The following U2SURP variants were observed in gnomAD, a reference collection of about 807,000 sequenced individuals.
U2SURP encodes U2 snRNP associated SURP domain containing.
In U2SURP, 9 loss-of-function variants were observed where a neutral mutation model predicts 144.9. The observed-to-expected ratio is 0.06, with a 90% CI of 0.04 to 0.11. The LOEUF (loss-of-function observed/expected upper bound fraction) is 0.11. Among genes scored for constraint, U2SURP ranks in the 10% least tolerant of loss-of-function variants. U2SURP has a pLI of 1.00. For synonymous variants in U2SURP, 408 were observed against 396.8 expected (o/e 1.03, Z -0.33); for missense variants, 724 against 1,226.7 (o/e 0.59, Z 6.12).
Position 143,034,328 on chromosome 3 carries a change from C to T in U2SURP, c.1854-560C>T, listed in dbSNP as rs556828984. Among the ~76,000 whole-genome samples the T allele has an allele frequency of 7.2e-5, 11 of 152,014 alleles. No homozygotes were observed. The East Asian group carries it at 1.4e-3, about 19-fold the overall frequency. ...CTGAGGCAGGAGAATCGCTTGAACC[C>T]GGGAGGCGGAGGTTGCAGTGAGCCG... On this transcript the variant is annotated intron_variant, in intron 18 of 27. Transcript: ENST00000473835.
At chr3:143,041,949 A>G (rs572866636) in intron 23 of U2SURP, among the ~76,000 whole-genome samples, 5 of 151,234 alleles carry the variant, frequency 3.3e-5, no homozygotes, top group Admixed American at 6.6e-5. Context: ...TGTTTTGCCC[A>G]GATTTATTTG....
Position 143,043,029 on chromosome 3 carries a change from A to G in U2SURP, c.2385-88A>G, listed in dbSNP as rs938984630. 5.4e-6 allele frequency: 7 copies of G among 1,301,430 alleles called. No individual in the cohort carries two copies. The Admixed American group carries it at 1.1e-4, about 21-fold the overall frequency. The allele number at this position is 1,301,430 out of a possible 1,614,324, so 80.6% of individuals were successfully genotyped here. A position where few individuals can be genotyped will look rare whatever the true frequency, so the allele number is the denominator to read the frequency against. On this transcript the variant is annotated intron_variant, in intron 23 of 27. Coordinates refer to ENST00000473835, the MANE Select transcript of U2SURP (RefSeq NM_001080415.2). ...GTTTTGGCTATGTTATTTAAGCTCT[A>G]AGACAATGAAAAATAAAATAGGTAG...
At chr3:143,051,122 C>A in intron 25 of U2SURP, 73 bp downstream of exon 25, 3 of 843,448 alleles carry the variant, frequency 3.6e-6, no homozygotes, top group Non-Finnish European at 3.7e-6. Flanking sequence ...TACTGGTATA[C>A]CTAAAGATGA....
chr3:143,027,281 A>G, intron 14 of U2SURP, 28 bp downstream of exon 14: 10 of 1,550,542 alleles, frequency 6.4e-6, no homozygotes, highest in Non-Finnish European at 8.9e-6. Context: ...ATTGTGAAAT[A>G]TATGTAACAT....
intron 1 of U2SURP, among the ~76,000 whole-genome samples, chr3:143,007,288 CT>C (rs143610863): frequency 2.9e-4 from 43 of 148,544 alleles, no homozygotes; most frequent in African/African-American, 6.4e-4. Context: ...CTTTTCTTTT[CT>C]TTTTTTTTTT....
chr3:143,012,110 A>G (rs1038528862), intron 2 of U2SURP, 112 bp from the exon 3 acceptor site: 9 of 1,328,436 alleles, frequency 6.8e-6, no homozygotes, highest in South Asian at 1.3e-5. Context: ...TGATATTTTG[A>G]TAATCTACAA....
At chr3:143,023,649 A>G (rs1315300704) in intron 12 of U2SURP, among the ~76,000 whole-genome samples, 1 of 152,240 alleles carries the variant, frequency 6.6e-6, no homozygotes, top group African/African-American at 2.4e-5. Flanking sequence ...AGCGAACTGT[A>G]TGGTCAGAGG....
chr3:143,006,614 G>C (rs1271576955), intron 1 of U2SURP, among the ~76,000 whole-genome samples: 1 of 152,042 alleles, frequency 6.6e-6, no homozygotes, highest in Admixed American at 6.5e-5. Flanking sequence ...AATTAGCTGG[G>C]CATGGTGGCA....
chr3:143,043,120 A>T lies in U2SURP; in HGVS notation c.2388A>T (p.Gln796His). 1 of 1,601,278 alleles carries T rather than the reference A, an allele frequency of 6.2e-7. No homozygotes were observed. The highest frequency in any genetic ancestry group is 8.5e-7 in the Non-Finnish European group (1 of 1,174,208). ...EESEEEENQN[Q>H]EEESEDEEDT... The stretch of plus-strand genomic sequence containing the variant: ...TGTATTCTGCTTGTTTCTAAAGTCA[A>T]GAAGAAGAAAGTGAAGATGAAGAAG... The change falls in exon 24 of 28, where the codon CAA becomes CAT. Residue 796 changes from glutamine to histidine, a missense_variant. Physicochemically the swap from Gln to His is conservative, Grantham distance 24. Around this residue, in one of 13 missense-constraint regions of U2SURP, gnomAD observed 50 missense variants for 48.0 expected, o/e 1.04. Transcript: ENST00000473835.
At chr3:143,034,610 T>G (rs562538864) in intron 18 of U2SURP, 3 of 207,726 alleles carry the variant, frequency 1.4e-5, no homozygotes, top group Non-Finnish European at 2.9e-5. Flanking sequence ...ATAAAGAAAT[T>G]GGACGAGATG....
intron 3 of U2SURP, among the ~76,000 whole-genome samples, chr3:143,013,515 C>T (rs1578118173): frequency 6.6e-6 from 1 of 151,988 alleles, no homozygotes; most frequent in Non-Finnish European, 1.5e-5. Context: ...GTTAGCTTCT[C>T]ATTTTAGTAG....
At chr3:143,050,875 C>T (rs1464059470) in intron 24 of U2SURP, 64 bp from the exon 25 acceptor site, 6 of 1,156,690 alleles carry the variant, frequency 5.2e-6, no homozygotes. Context: ...AGAAAAGAAG[C>T]AAAACAGTGC....
chr3:143,026,952 C>A, intron 13 of U2SURP, 197 bp from the exon 14 acceptor site: 1 of 428,904 alleles, frequency 2.3e-6, no homozygotes, highest in Non-Finnish European at 4.2e-6. Context: ...TCCCCTCCCA[C>A]TTCCCTACTC....
chr3:143,039,857 A>G (rs570341258), intron 23 of U2SURP, among the ~76,000 whole-genome samples: 9 of 152,006 alleles, frequency 5.9e-5, no homozygotes, highest in Non-Finnish European at 8.8e-5. Context: ...CTTGTCTACA[A>G]TGATGTTTTT....
chr3:143,028,046 A>G (rs1933257659), intron 14 of U2SURP, among the ~76,000 whole-genome samples: 1 of 152,124 alleles, frequency 6.6e-6, no homozygotes, highest in South Asian at 2.1e-4. Context: ...TATTGGGAAA[A>G]TCTCTCCATT....
intron 24 of U2SURP, among the ~76,000 whole-genome samples, chr3:143,046,950 GACCT>G (rs1934507577): frequency 1.6e-5 from 1 of 62,938 alleles, no homozygotes. Context: ...GCAGGGGGCT[GACCT>G]CCCCCACCTC....
intron 1 of U2SURP, among the ~76,000 whole-genome samples, chr3:143,003,318 AT>A (rs1270275738): frequency 1.3e-5 from 2 of 152,224 alleles, no homozygotes; most frequent in Non-Finnish European, 2.9e-5. Flanking sequence ...TGGAGGCTGC[AT>A]AATGTAGTGG....
chr3:143,051,185 A>AATAT, intron 25 of U2SURP, 136 bp downstream of exon 25: 1 of 541,312 alleles, frequency 1.8e-6, no homozygotes, highest in East Asian at 3.3e-5. Flanking sequence ...GCAATCAGAA[A>AATAT]CATTTGAAAT....
At chr3:143,027,452 C>T (rs1933218136) in intron 14 of U2SURP, among the ~76,000 whole-genome samples, 199 bp downstream of exon 14, 1 of 152,120 alleles carries the variant, frequency 6.6e-6, no homozygotes, top group African/African-American at 2.4e-5. Context: ...GTCTTCTAGC[C>T]CGTTAGCCCC....
Sources: allele counts gnomAD v4.1 joint callset (sites outside exome capture counted in the v4.1 genomes callset), GRCh38; gene constraint gnomAD v4.1.1; regional missense constraint gnomAD v4.1.1; transcripts MANE v1.5; gene names NCBI Gene and HGNC (gene_info 2026-07-23, HGNC 2026-07-21).